Variants in TMEM135 observed in about 807,000 individuals in gnomAD.
The protein encoded by TMEM135 is peroxisomal membrane protein 52.
In TMEM135, 30 loss-of-function variants were observed where a neutral mutation model predicts 60.3. The observed-to-expected ratio is 0.50, with a 90% CI of 0.37 to 0.68. The LOEUF (loss-of-function observed/expected upper bound fraction) is 0.68. TMEM135 is among the 30% of genes least tolerant of loss of function. The pLI is 0.00. For synonymous variants in TMEM135, 190 were observed against 186.7 expected, an observed-to-expected ratio of 1.02 and a Z score of -0.14; for missense variants, 468 against 548.8, an observed-to-expected ratio of 0.85 and a Z score of 1.47.
intron 5 of TMEM135, among the ~76,000 whole-genome samples, chr11:87,220,817 C>T (rs545259070): frequency 6.6e-6 from 1 of 152,234 alleles, no homozygotes; most frequent in African/African-American, 2.4e-5. Flanking sequence ...TTTTAAAAAT[C>T]TTAACCATGA....
At position 87,328,324 on chromosome 11, in the gene TMEM135, T is replaced by G. The variant is rs1354390434; in HGVS notation, c.*6991T>G. 5 of 454,000 alleles carry G rather than the reference T, an allele frequency of 1.1e-5. No homozygotes were observed. Among genetic ancestry groups the G allele is most frequent in the Admixed American group, 4.7e-5 (2 of 42,544 alleles). 28.1% of individuals were successfully genotyped at this position (454,000 alleles called of 1,614,324 possible). On this transcript the variant is annotated 3_prime_UTR_variant, in exon 15 of 15. Transcript: ENST00000305494. ...TCATCTTTAAAAAATCTTAGTTGAT[T>G]ATGTTTTATGTGTCATTTAATTAAG...
intron 5 of TMEM135, among the ~76,000 whole-genome samples, chr11:87,213,584 G>A (rs1940427235): frequency 6.6e-6 from 1 of 152,060 alleles, no homozygotes; most frequent in Non-Finnish European, 1.5e-5. Context: ...TTCCGTATTA[G>A]TAGGTGGTTT....
intron 5 of TMEM135, among the ~76,000 whole-genome samples, chr11:87,188,088 C>A (rs751530902): frequency 5.4e-5 from 8 of 147,958 alleles, no homozygotes; most frequent in Admixed American, 3.3e-4. Context: ...AGCTCCCTTA[C>A]AGAACCCCCT....
At chr11:87,293,344 A>G (rs1942297194) in intron 6 of TMEM135, among the ~76,000 whole-genome samples, 1 of 152,088 alleles carries the variant, frequency 6.6e-6, no homozygotes, top group Non-Finnish European at 1.5e-5. Context: ...TAGAAAGTAG[A>G]TCATGTTGCT....
intron 5 of TMEM135, among the ~76,000 whole-genome samples, chr11:87,229,032 G>A (rs781267901): frequency 6.6e-6 from 1 of 152,018 alleles, no homozygotes; most frequent in African/African-American, 2.4e-5. Context: ...TTGTAAATCT[G>A]TCATTTCCTA....
intron 1 of TMEM135, among the ~76,000 whole-genome samples, chr11:87,044,090 T>C (rs1949774248): frequency 6.6e-6 from 1 of 152,166 alleles, no homozygotes; most frequent in South Asian, 2.1e-4. Flanking sequence ...CTTCAGTGGA[T>C]GAACATGTTT....
intron 6 of TMEM135, among the ~76,000 whole-genome samples, chr11:87,263,250 T>G (rs531203538): frequency 7.1e-4 from 108 of 152,360 alleles, no homozygotes; most frequent in Admixed American, 1.6e-3. Context: ...AAATTTGTCC[T>G]ATTTAATCTC....
rs1017555518 is a variant in TMEM135, at chr11:87,326,366, AG to A, written c.*5035del. 2.2e-6 allele frequency: 1 copy of A among 454,092 alleles called. No individual in the cohort carries two copies. Among genetic ancestry groups the A allele is most frequent in the Admixed American group, 2.3e-5 (1 of 42,574 alleles). 28.1% of individuals were successfully genotyped at this position (454,092 alleles called of 1,614,324 possible). A position where few individuals can be genotyped will look rare whatever the true frequency, so the allele number is the denominator to read the frequency against. On this transcript the variant is annotated 3_prime_UTR_variant, in exon 15 of 15. Coordinates refer to ENST00000305494, the MANE Select transcript of TMEM135 (RefSeq NM_022918.4). Reference sequence around the variant, plus strand: ...TACTACTTTCCTCCATCCCTGAACTAGGACCAGTTAATTTTCGAAGTCTAGT... The same window carrying A: ...TACTACTTTCCTCCATCCCTGAACTAGACCAGTTAATTTTCGAAGTCTAGT...
intron 9 of TMEM135, among the ~76,000 whole-genome samples, chr11:87,308,455 C>T (rs76997905): frequency 0.036 from 5,513 of 152,178 alleles, 94 homozygotes; most frequent in Admixed American, 0.046. Flanking sequence ...TTTAATAAGG[C>T]ATTAGGTAGT....
chr11:87,280,845 C>T (rs1452180757), intron 6 of TMEM135, among the ~76,000 whole-genome samples: 1 of 152,142 alleles, frequency 6.6e-6, no homozygotes, highest in Non-Finnish European at 1.5e-5. Context: ...GAACAACACT[C>T]CAACCTATAG....
intron 5 of TMEM135, among the ~76,000 whole-genome samples, chr11:87,224,485 G>A (rs918598275): frequency 6.6e-6 from 1 of 152,090 alleles, no homozygotes; most frequent in Non-Finnish European, 1.5e-5. Context: ...TAATCTAGAA[G>A]CTCTTATTTA....
At position 87,157,382 on chromosome 11, in the gene TMEM135, C is replaced by T. The variant is rs1938730621; in HGVS notation, c.438C>T (p.Thr146=). 1 of 1,612,574 alleles carries T rather than the reference C, an allele frequency of 6.2e-7. No individual in the cohort carries two copies. The highest frequency in any genetic ancestry group is 1.1e-5 in the South Asian group (1 of 90,958). Residue 146 remains threonine, a synonymous_variant, in exon 5 of 15, where the codon ACC becomes ACT. Transcript: ENST00000305494. ...TLFRMGVARG[T]ITTLRNGEVL... is the part of the protein sequence containing the mutation. ...TCAGAATGGGTGTAGCAAGAGGAAC[C>T]ATCACAACATTAAGAAATGGAGAAG... is the stretch of plus-strand genomic sequence containing the variant.
intron 1 of TMEM135, among the ~76,000 whole-genome samples, chr11:87,059,992 T>G (rs1398952273): frequency 6.6e-6 from 1 of 152,174 alleles, no homozygotes; most frequent in Non-Finnish European, 1.5e-5. Flanking sequence ...CACATGCCTG[T>G]GGTCTCAGCT....
chr11:87,300,297 A>G (rs1053264833), intron 7 of TMEM135, among the ~76,000 whole-genome samples: 5 of 152,236 alleles, frequency 3.3e-5, no homozygotes, highest in Non-Finnish European at 7.3e-5. Flanking sequence ...GTGTATATAG[A>G]TAACAGTAGA....
At chr11:87,093,694 C>A (rs1857260505) in intron 4 of TMEM135, among the ~76,000 whole-genome samples, 1 of 151,880 alleles carries the variant, frequency 6.6e-6, no homozygotes, top group African/African-American at 2.4e-5. Flanking sequence ...TCACGCCTGG[C>A]TAATTTTTTC....
chr11:87,175,593 A>C (rs1939347012), intron 5 of TMEM135, among the ~76,000 whole-genome samples: 1 of 137,150 alleles, frequency 7.3e-6, no homozygotes, highest in African/African-American at 2.5e-5. Context: ...TTTGTCCTTA[A>C]ACAAAACAAA....
chr11:87,286,494 G>A (rs1174947146), intron 6 of TMEM135, among the ~76,000 whole-genome samples: 1 of 152,242 alleles, frequency 6.6e-6, no homozygotes, highest in Middle Eastern at 3.2e-3. Flanking sequence ...GGGCGGAGCT[G>A]CCTGCCAGTC....
At chr11:87,080,234 G>A (rs1856962081) in intron 3 of TMEM135, among the ~76,000 whole-genome samples, 1 of 148,078 alleles carries the variant, frequency 6.8e-6, no homozygotes, top group Non-Finnish European at 1.5e-5. Context: ...TCTACAGCTG[G>A]TTTTCTCAAC....
chr11:87,192,162 TTG>T (rs1460411306), intron 5 of TMEM135, among the ~76,000 whole-genome samples: 12 of 149,960 alleles, frequency 8.0e-5, no homozygotes, highest in African/African-American at 2.7e-4. Flanking sequence ...TTTTTTTTTT[TTG>T]TATTTTAGTA....
Sources: gnomAD v4.1 joint callset for allele counts (sites outside exome capture counted in the v4.1 genomes callset) on GRCh38, gnomAD v4.1.1 for gene constraint, MANE v1.5 for transcripts, NCBI Gene and HGNC (gene_info 2026-07-23, HGNC 2026-07-21) for gene names.